The following EXOC4 variants were observed in gnomAD, a reference collection of about 807,000 sequenced individuals.
EXOC4 encodes the protein SEC8-like 1.
Under a neutral mutation model 107.2 loss-of-function variants are expected in EXOC4, and 71 were observed. The ratio of observed to expected loss-of-function variants is 0.66; its 90% CI spans 0.55 to 0.81. The LOEUF is 0.81. Ranked by LOEUF, EXOC4 falls within the 30% of genes least tolerant of loss-of-function variation. EXOC4 has a pLI of 0.00. For missense variants in EXOC4, 1,108 were observed against 1,189.6 expected, an observed-to-expected ratio of 0.93 and a Z score of 1.01; for synonymous variants, 456 against 441.2, an observed-to-expected ratio of 1.03 and a Z score of -0.42.
intron 17 of EXOC4, among the ~76,000 whole-genome samples, chr7:134,047,002 C>T (rs187194222): frequency 1.1e-4 from 16 of 152,344 alleles, no homozygotes; most frequent in South Asian, 4.1e-4. Context: ...GCCATTAACA[C>T]GCCTACCTCC....
intron 11 of EXOC4, among the ~76,000 whole-genome samples, chr7:133,842,028 C>T (rs566334471): frequency 6.6e-6 from 1 of 152,228 alleles, no homozygotes; most frequent in East Asian, 1.9e-4. Context: ...GTATATGTAC[C>T]ACATTTTCTT....
Position 133,792,568 on chromosome 7 carries a change from A to AAAAT in EXOC4, c.1515-24754_1515-24753insTAAA, listed in dbSNP as rs1554402068. 3.5e-4 allele frequency among the ~76,000 whole-genome samples: 53 copies of AAAAT among 151,696 alleles called. 1 individual carries two copies. In the South Asian group the frequency reaches 0.01, roughly 30 times the overall value. On this transcript the variant is annotated intron_variant, in intron 10 of 17. Coordinates refer to ENST00000253861, the MANE Select transcript of EXOC4 (RefSeq NM_021807.4). ...ACCCTGTCTCCAAAAAAAAAAAAAA[A>AAAAT]AAAAACCTAAAAGGTACTTTTTACA...
intron 9 of EXOC4, among the ~76,000 whole-genome samples, chr7:133,503,585 G>A (rs1235190548): frequency 6.6e-6 from 1 of 152,186 alleles, no homozygotes; most frequent in African/African-American, 2.4e-5. Context: ...GTCAGAGGCT[G>A]AAGAGTTGAT....
At chr7:133,613,152 A>G (rs1802111748) in intron 9 of EXOC4, among the ~76,000 whole-genome samples, 1 of 152,162 alleles carries the variant, frequency 6.6e-6, no homozygotes, top group South Asian at 2.1e-4. Flanking sequence ...TATTTTTATC[A>G]TTTATTAGAA....
rs1363206212 is a variant in EXOC4, at chr7:134,004,894, T to G, written c.2349-18T>G. The G allele has an allele frequency of 1.2e-6, 2 of 1,605,292 alleles. No individual in the cohort carries two copies. Among genetic ancestry groups the G allele is most frequent in the Non-Finnish European group, 1.7e-6 (2 of 1,174,618 alleles). ...AGGATTTATTATTAACTGCTCTCCC[T>G]ATCTCTCTCTTTTTCAGGGTTCACT... On this transcript the variant is annotated intron_variant, in intron 15 of 17. Transcript: ENST00000253861.
chr7:133,721,387 A>C (rs1795101564), intron 10 of EXOC4, among the ~76,000 whole-genome samples: 1 of 152,136 alleles, frequency 6.6e-6, no homozygotes, highest in Non-Finnish European at 1.5e-5. Context: ...GGAACCATTA[A>C]TAAGATAGAG....
intron 5 of EXOC4, among the ~76,000 whole-genome samples, chr7:133,329,291 A>C (rs533369245): frequency 6.6e-6 from 1 of 152,156 alleles, no homozygotes; most frequent in Non-Finnish European, 1.5e-5. Context: ...GCTCTTCTCT[A>C]TACTGGTTCT....
At chr7:133,653,639 CTATA>C (rs1803216380) in intron 10 of EXOC4, among the ~76,000 whole-genome samples, 1 of 152,178 alleles carries the variant, frequency 6.6e-6, no homozygotes, top group Non-Finnish European at 1.5e-5. Context: ...ATACCTTTCC[CTATA>C]TAGCTGAGTA....
At position 133,335,936 on chromosome 7, in the gene EXOC4, A is replaced by G. The variant is rs1795502671; in HGVS notation, c.763+18546A>G. 5.9e-5 allele frequency among the ~76,000 whole-genome samples: 9 copies of G among 152,216 alleles called. 1 individual carries two copies. The South Asian group carries it at 1.9e-3, about 32-fold the overall frequency. ...TGTTTTGATTTGCATTTCTGTAATG[A>G]TTAGTGATGCTGGACATCTTTTCAT... On this transcript the variant is annotated intron_variant, in intron 5 of 17. Transcript: ENST00000253861.
intron 9 of EXOC4, chr7:133,481,218 C>G (rs1210280546): frequency 6.7e-6 from 1 of 149,978 alleles, no homozygotes; most frequent in Non-Finnish European, 1.5e-5. Context: ...TATACATACA[C>G]ACACAGAGAT....
intron 10 of EXOC4, among the ~76,000 whole-genome samples, chr7:133,744,032 A>G (rs543854336): frequency 2.0e-5 from 3 of 152,202 alleles, no homozygotes; most frequent in South Asian, 4.1e-4. Flanking sequence ...CTGTCAGCTC[A>G]AAGTACTTTA....
intron 14 of EXOC4, among the ~76,000 whole-genome samples, chr7:133,981,238 A>G (rs1793971955): frequency 6.6e-6 from 1 of 152,076 alleles, no homozygotes; most frequent in African/African-American, 2.4e-5. Flanking sequence ...AGTTGTCCAG[A>G]TGTTATCCAC....
intron 10 of EXOC4, among the ~76,000 whole-genome samples, chr7:133,782,064 G>T (rs988324083): frequency 9.2e-5 from 14 of 152,148 alleles, no homozygotes; most frequent in African/African-American, 3.1e-4. Context: ...GTGTCAAAAG[G>T]CTGCCAAGTG....
intron 11 of EXOC4, among the ~76,000 whole-genome samples, chr7:133,855,151 A>C (rs977290748): frequency 5.9e-5 from 8 of 135,528 alleles, no homozygotes; most frequent in African/African-American, 2.4e-4. Flanking sequence ...ATAAATATAT[A>C]TATAAATATA....
At chr7:133,454,120 A>G (rs1053046568) in intron 7 of EXOC4, among the ~76,000 whole-genome samples, 3 of 152,202 alleles carry the variant, frequency 2.0e-5, no homozygotes, top group African/African-American at 7.2e-5. Flanking sequence ...TGCTACTATT[A>G]CAGTTTCACC....
chr7:133,519,119 T>A (rs189329530), intron 9 of EXOC4, among the ~76,000 whole-genome samples: 80 of 152,240 alleles, frequency 5.3e-4, no homozygotes, highest in African/African-American at 1.9e-3. Flanking sequence ...TAGTAAATAT[T>A]GGTTATTAAT....
chr7:133,402,470 G>A (rs1034662650), intron 7 of EXOC4, among the ~76,000 whole-genome samples: 1 of 152,112 alleles, frequency 6.6e-6, no homozygotes, highest in Non-Finnish European at 1.5e-5. Flanking sequence ...GATTTCTTGG[G>A]TGGGACTAGA....
At chr7:133,730,944 A>G (rs1334668170) in intron 10 of EXOC4, among the ~76,000 whole-genome samples, 2 of 152,198 alleles carry the variant, frequency 1.3e-5, no homozygotes, top group Admixed American at 1.3e-4. Flanking sequence ...TTGACTTCAC[A>G]AGATTCACTT....
intron 10 of EXOC4, among the ~76,000 whole-genome samples, chr7:133,632,092 G>A (rs921798495): frequency 1.3e-5 from 2 of 152,082 alleles, no homozygotes; most frequent in Non-Finnish European, 2.9e-5. Context: ...AAATATATAT[G>A]TTAGTACTTA....
Sources: allele counts gnomAD v4.1 joint callset (sites outside exome capture counted in the v4.1 genomes callset), GRCh38; gene constraint gnomAD v4.1.1; transcripts MANE v1.5; gene names NCBI Gene and HGNC (gene_info 2026-07-23, HGNC 2026-07-21).